Variants in CEP126 observed in about 807,000 individuals in gnomAD.
CEP126 encodes centrosomal protein 126.
Under a neutral mutation model 107.8 loss-of-function variants are expected in CEP126, and 74 were observed. The ratio of observed to expected loss-of-function variants is 0.69; its 90% CI spans 0.57 to 0.83. The LOEUF is 0.83. Among genes scored for constraint, CEP126 ranks in the 40% least tolerant of loss-of-function variants. The pLI is 0.00. For missense variants in CEP126, 1,237 were observed against 1,281.9 expected (o/e 0.96, Z 0.53); for synonymous variants, 449 against 446.0 (o/e 1.01, Z -0.08).
intron 5 of CEP126, among the ~76,000 whole-genome samples, chr11:101,959,748 A>G (rs1032550298): frequency 1.1e-4 from 16 of 152,236 alleles, no homozygotes; most frequent in African/African-American, 3.9e-4. Flanking sequence ...ACATACTATC[A>G]GAAATGAAAA....
At chr11:101,996,310 C>T (rs1402135201) in intron 10 of CEP126, among the ~76,000 whole-genome samples, 1 of 152,234 alleles carries the variant, frequency 6.6e-6, no homozygotes, top group Non-Finnish European at 1.5e-5. Flanking sequence ...TCCCTGCAAG[C>T]TTCAATTTGT....
chr11:101,973,939 A>T (rs1449549608), intron 6 of CEP126, among the ~76,000 whole-genome samples: 1 of 152,126 alleles, frequency 6.6e-6, no homozygotes, highest in Non-Finnish European at 1.5e-5. Context: ...CATATTGTAT[A>T]TACAGATCCA....
At position 101,946,582 on chromosome 11, in the gene CEP126, C is replaced by T. The variant is rs577642510; in HGVS notation, c.395-1449C>T. Among the ~76,000 whole-genome samples the T allele has an allele frequency of 8.0e-4, 122 of 151,880 alleles. 1 individual carries two copies. Among genetic ancestry groups the T allele is most frequent in the East Asian group, 3.9e-4 (2 of 5,152 alleles). On this transcript the variant is annotated intron_variant, in intron 3 of 10. Coordinates refer to ENST00000263468, the MANE Select transcript of CEP126 (RefSeq NM_020802.4). ...TTTGATTGAAAGTGGTGAAAGAGGC[C>T]GGGCGTGGTGGCTCATACCTGTAAT...
intron 9 of CEP126, among the ~76,000 whole-genome samples, chr11:101,992,167 AAGC>A (rs57124823): frequency 0.38 from 57,624 of 151,660 alleles, 11,128 homozygotes; most frequent in East Asian, 0.51. Flanking sequence ...AAAAAATAAA[AAGC>A]AGGGAGCTAC....
intron 4 of CEP126, chr11:101,956,246 C>T (rs769145989): frequency 1.8e-5 from 8 of 456,304 alleles, no homozygotes; most frequent in Non-Finnish European, 2.6e-5. Flanking sequence ...TACCCTTGTT[C>T]GTCGTTCCCT....
chr11:101,921,583 T>A (rs1940326629), intron 1 of CEP126, among the ~76,000 whole-genome samples: 1 of 151,362 alleles, frequency 6.6e-6, no homozygotes. Context: ...GGCACATGCC[T>A]GTAGTCCCAG....
chr11:101,959,597 G>A (rs1940947002), intron 5 of CEP126, among the ~76,000 whole-genome samples: 3 of 152,136 alleles, frequency 2.0e-5, no homozygotes, highest in African/African-American at 7.2e-5. Context: ...AATATAATCA[G>A]ACAGAAATAA....
intron 2 of CEP126, among the ~76,000 whole-genome samples, chr11:101,929,856 G>C (rs904876393): frequency 1.3e-5 from 2 of 152,176 alleles, no homozygotes; most frequent in Middle Eastern, 3.4e-3. Context: ...GATGGGAGTG[G>C]AACCACAATT....
Position 101,997,731 on chromosome 11 carries a change from CAT to C in CEP126, c.*89_*90del, listed in dbSNP as rs1941460026. ...TTTGTGAAAACCAGCCATAGGAAAA[CAT>C]GTGAGCAACAACCCCCATGAACATT... On this transcript the variant is annotated 3_prime_UTR_variant, in exon 11 of 11. Coordinates refer to ENST00000263468, the MANE Select transcript of CEP126 (RefSeq NM_020802.4). 11 of 1,580,536 alleles carry C rather than the reference CAT, an allele frequency of 7.0e-6. No individual in the cohort carries two copies. Among genetic ancestry groups the C allele is most frequent in the African/African-American group, 1.4e-5 (1 of 74,016 alleles).
intron 2 of CEP126, among the ~76,000 whole-genome samples, chr11:101,942,759 G>T (rs1940683904): frequency 6.6e-6 from 1 of 151,826 alleles, no homozygotes; most frequent in Non-Finnish European, 1.5e-5. Flanking sequence ...AACATGGTAG[G>T]TCTTTACATT....
intron 2 of CEP126, among the ~76,000 whole-genome samples, chr11:101,940,486 A>G (rs78735852): frequency 0.028 from 4,267 of 152,320 alleles, 81 homozygotes; most frequent in African/African-American, 0.052. Context: ...TTGCTTCTAT[A>G]TAACAAACCA....
chr11:101,959,655 A>G (rs1251610818), intron 5 of CEP126, among the ~76,000 whole-genome samples: 1 of 152,240 alleles, frequency 6.6e-6, no homozygotes, highest in Non-Finnish European at 1.5e-5. Flanking sequence ...TATTTTTACA[A>G]ATATTTTCAA....
rs1377770608 is a variant in CEP126 at position 101,963,444 on chromosome 11, T to C, written c.2409T>C (p.Pro803=). The C allele has an allele frequency of 3.7e-6, 6 of 1,613,898 alleles. No individual in the cohort carries two copies. Among genetic ancestry groups the C allele is most frequent in the Non-Finnish European group, 4.2e-6 (5 of 1,179,982 alleles). The change falls in exon 6 of 11, where the codon CCT becomes CCC. Residue 803 remains proline (P), a synonymous_variant. Coordinates refer to ENST00000263468, the MANE Select transcript of CEP126 (RefSeq NM_020802.4). ...AQGKLIIPCP[P]PQSTSNIRSG... is the part of the protein sequence containing the mutation. ...GAAAATTAATTATACCTTGTCCTCC[T>C]CCTCAATCTACATCAAATATTAGAA...
intron 4 of CEP126, among the ~76,000 whole-genome samples, chr11:101,954,020 T>TTTTGTTTG (rs59197385): frequency 0.37 from 55,518 of 149,488 alleles, 10,610 homozygotes; most frequent in East Asian, 0.5. Flanking sequence ...TATTTTCCTT[T>TTTTGTTTG]TTTGTTTGTT....
intron 6 of CEP126, among the ~76,000 whole-genome samples, chr11:101,971,577 G>A (rs1179772616): frequency 6.6e-6 from 1 of 151,998 alleles, no homozygotes; most frequent in Non-Finnish European, 1.5e-5. Flanking sequence ...TGTTTTTTTA[G>A]GTGGGGACTC....
At chr11:101,923,941 A>T (rs1940369828) in intron 2 of CEP126, among the ~76,000 whole-genome samples, 1 of 152,198 alleles carries the variant, frequency 6.6e-6, no homozygotes, top group Admixed American at 6.5e-5. Flanking sequence ...TTGAGAATAC[A>T]TGTAAAAATA....
chr11:101,952,014 A>C (rs1940820387), intron 4 of CEP126, among the ~76,000 whole-genome samples: 1 of 152,216 alleles, frequency 6.6e-6, no homozygotes, highest in Non-Finnish European at 1.5e-5. Flanking sequence ...TTCAATAAAT[A>C]CCTTGAATGG....
intron 3 of CEP126, among the ~76,000 whole-genome samples, chr11:101,945,556 A>G (rs1239970719): frequency 6.6e-6 from 1 of 152,218 alleles, no homozygotes; most frequent in Non-Finnish European, 1.5e-5. Flanking sequence ...CTAAATAACA[A>G]TAGCTTAAAC....
chr11:101,944,142 TTTG>T, intron 2 of CEP126, 120 bp from the exon 3 acceptor site: 1 of 920,068 alleles, frequency 1.1e-6, no homozygotes, highest in Admixed American at 3.8e-5. Context: ...AAATTTAAAA[TTTG>T]TTGTTTTTAA....
Sources: gnomAD v4.1 joint callset for allele counts (sites outside exome capture counted in the v4.1 genomes callset) on GRCh38, gnomAD v4.1.1 for gene constraint, MANE v1.5 for transcripts, NCBI Gene and HGNC (gene_info 2026-07-23, HGNC 2026-07-21) for gene names.